Variants in SNTG2 observed in about 807,000 individuals in gnomAD.
SNTG2 encodes gamma-2-syntrophin.
In SNTG2, 74 loss-of-function variants were observed where a neutral mutation model predicts 70.9. The observed-to-expected ratio is 1.04, with a 90% CI of 0.86 to 1.27. The LOEUF (loss-of-function observed/expected upper bound fraction) is 1.27. Among genes scored for constraint, SNTG2 ranks in the 50% most tolerant of loss-of-function variants. The pLI, the probability that SNTG2 is intolerant of heterozygous loss-of-function variation, is 0.00. For missense variants in SNTG2, 717 were observed against 690.7 expected, an observed-to-expected ratio of 1.04 and a Z score of -0.43; for synonymous variants, 278 against 273.8, an observed-to-expected ratio of 1.02 and a Z score of -0.15.
chr2:1,078,925 G>A (rs866592836), intron 1 of SNTG2, among the ~76,000 whole-genome samples: 1 of 152,152 alleles, frequency 6.6e-6, no homozygotes, highest in Non-Finnish European at 1.5e-5. Context: ...CACCCACTGG[G>A]GTTGGGGGAA....
At chr2:1,118,967 G>C (rs1667210405) in intron 4 of SNTG2, among the ~76,000 whole-genome samples, 1 of 152,122 alleles carries the variant, frequency 6.6e-6, no homozygotes, top group Admixed American at 6.5e-5. Flanking sequence ...CTTCATCAAG[G>C]ATCGTTTTAA....
intron 1 of SNTG2, among the ~76,000 whole-genome samples, chr2:1,068,642 A>G (rs930528096): frequency 1.4e-4 from 22 of 152,352 alleles, no homozygotes; most frequent in African/African-American, 5.1e-4. Context: ...TTTAGCTTCA[A>G]TATTAATAAC....
intron 1 of SNTG2, among the ~76,000 whole-genome samples, chr2:1,062,692 A>G (rs1195147045): frequency 1.3e-5 from 2 of 152,170 alleles, no homozygotes; most frequent in African/African-American, 2.4e-5. Flanking sequence ...TTTTAAGTTG[A>G]TTTTTGCATG....
chr2:1,363,035 A>G (rs1266803484), intron 16 of SNTG2, among the ~76,000 whole-genome samples: 1 of 151,990 alleles, frequency 6.6e-6, no homozygotes, highest in Non-Finnish European at 1.5e-5. Flanking sequence ...TAGAACTTCC[A>G]TGAAAGTCAC....
chr2:964,151 T>C (rs953752585), intron 1 of SNTG2, among the ~76,000 whole-genome samples: 9 of 152,230 alleles, frequency 5.9e-5, no homozygotes, highest in Non-Finnish European at 8.8e-5. Context: ...GATCTTGTAA[T>C]GAAGCTCCAA....
intron 16 of SNTG2, among the ~76,000 whole-genome samples, chr2:1,356,350 GTTGATTT>G (rs1360796592): frequency 1.3e-5 from 2 of 152,124 alleles, no homozygotes; most frequent in African/African-American, 4.8e-5. Flanking sequence ...TCTATTTTGA[GTTGATTT>G]TTCTGTATGG....
At chr2:1,275,700 G>C (rs1321966008) in intron 14 of SNTG2, among the ~76,000 whole-genome samples, 1 of 152,122 alleles carries the variant, frequency 6.6e-6, no homozygotes, top group Non-Finnish European at 1.5e-5. Context: ...GTGTTCAAAT[G>C]AAAGGAAGAG....
At chr2:1,202,571 A>G (rs1367817102) in intron 8 of SNTG2, among the ~76,000 whole-genome samples, 1 of 152,184 alleles carries the variant, frequency 6.6e-6, no homozygotes, top group Non-Finnish European at 1.5e-5. Flanking sequence ...GCCCAGCAGT[A>G]TGAGAATCAC....
intron 14 of SNTG2, among the ~76,000 whole-genome samples, chr2:1,294,171 G>A (rs1478035784): frequency 6.6e-6 from 1 of 152,192 alleles, no homozygotes; most frequent in African/African-American, 2.4e-5. Context: ...AGATGGAATG[G>A]TATGCTGAAC....
chr2:1,253,369 GATTCACT>G (rs1419249591), intron 12 of SNTG2, among the ~76,000 whole-genome samples: 1 of 152,170 alleles, frequency 6.6e-6, no homozygotes, highest in Non-Finnish European at 1.5e-5. Flanking sequence ...GTCCCTGAAT[GATTCACT>G]ATTGCCAACT....
rs764580252 is a variant in SNTG2 at position 1,353,366 on chromosome 2, C to T, written c.1489-13977C>T. On this transcript the variant is annotated intron_variant, in intron 16 of 16. Transcript: ENST00000308624. This position sits in a 1 kb window ranked among gnomAD's most constrained non-coding sequence, Gnocchi z 4.2. ...CCCTGGCTTGGACTCTCTGCAGCAC[C>T]GCAAGTGTGGAATTGAGTTCCGGGG... Among the ~76,000 whole-genome samples, 5 of 152,144 alleles carry T rather than the reference C, an allele frequency of 3.3e-5. No homozygotes were observed. The highest frequency in any genetic ancestry group is 5.9e-5 in the Non-Finnish European group (4 of 68,030).
At chr2:1,209,035 C>G in intron 8 of SNTG2, 68 bp from the exon 9 acceptor site, 1 of 1,583,494 alleles carries the variant, frequency 6.3e-7, no homozygotes, top group Non-Finnish European at 8.6e-7. Flanking sequence ...CAGGTGCCTG[C>G]AGATGCCTCT....
intron 6 of SNTG2, among the ~76,000 whole-genome samples, chr2:1,157,727 C>T (rs1187361667): frequency 6.6e-6 from 1 of 152,092 alleles, no homozygotes; most frequent in African/African-American, 2.4e-5. Context: ...CTGTTGAGGT[C>T]ACAGAATTTT....
chr2:1,028,828 C>T (rs1193811214), intron 1 of SNTG2, among the ~76,000 whole-genome samples: 1 of 150,918 alleles, frequency 6.6e-6, no homozygotes, highest in Non-Finnish European at 1.5e-5. Flanking sequence ...GGGTACTGTT[C>T]CGTTTGTGTG....
At chr2:1,285,778 G>T (rs1053790250) in intron 14 of SNTG2, among the ~76,000 whole-genome samples, 5 of 133,694 alleles carry the variant, frequency 3.7e-5, no homozygotes, top group Non-Finnish European at 8.2e-5. Flanking sequence ...AAGCACCTCA[G>T]CAGGTCGTGT....
intron 1 of SNTG2, among the ~76,000 whole-genome samples, chr2:1,028,936 T>C (rs1192450757): frequency 6.6e-6 from 1 of 152,152 alleles, no homozygotes; most frequent in Non-Finnish European, 1.5e-5. Context: ...AGTAATGTGC[T>C]GTCCCATGTT....
intron 16 of SNTG2, among the ~76,000 whole-genome samples, chr2:1,336,801 C>A (rs1380698003): frequency 1.3e-5 from 2 of 152,044 alleles, no homozygotes; most frequent in African/African-American, 4.8e-5. Flanking sequence ...GGTCTCAATT[C>A]TGTTTTTGTC....
At chr2:1,112,343 C>T (rs766706979) in intron 4 of SNTG2, among the ~76,000 whole-genome samples, 9 of 151,604 alleles carry the variant, frequency 5.9e-5, no homozygotes, top group Non-Finnish European at 1.0e-4. Flanking sequence ...CCTTATACTC[C>T]TTTGAGAAGA....
chr2:1,269,473 A>T (rs1452880569), intron 14 of SNTG2, among the ~76,000 whole-genome samples: 1 of 152,016 alleles, frequency 6.6e-6, no homozygotes, highest in Non-Finnish European at 1.5e-5. Flanking sequence ...GTGAGCTATG[A>T]TGGCACCACT....
Sources: allele counts gnomAD v4.1 joint callset (sites outside exome capture counted in the v4.1 genomes callset), GRCh38; gene constraint gnomAD v4.1.1; non-coding constraint Gnocchi (gnomAD v3.1); transcripts MANE v1.5; gene names NCBI Gene and HGNC (gene_info 2026-07-23, HGNC 2026-07-21).